The following CAPN14 variants were observed in gnomAD, a reference collection of about 807,000 sequenced individuals.
CAPN14 encodes the protein calpain 14, also known as calpain-14.
CAPN14 carries 94 observed loss-of-function variants against 101.3 expected under a neutral mutation model. The ratio of observed to expected loss-of-function variants is 0.93; its 90% CI spans 0.79 to 1.10. CAPN14 has a LOEUF of 1.10. CAPN14 is among the 50% of genes least tolerant of loss of function. The probability of loss-of-function intolerance (pLI) is 0.00; values close to 1 mark genes in which losing one functional copy is unlikely to be tolerated. For synonymous variants in CAPN14, 338 were observed against 317.9 expected (o/e 1.06, Z -0.67); for missense variants, 837 against 828.4 (o/e 1.01, Z -0.13).
At chr2:31,183,704 T>A (rs1175861097) in intron 16 of CAPN14, among the ~76,000 whole-genome samples, 2 of 152,132 alleles carry the variant, frequency 1.3e-5, no homozygotes, top group African/African-American at 2.4e-5. Context: ...CTGGAGAGGA[T>A]GTGGAGAAAT....
chr2:31,214,735 T>C (rs993418007), intron 1 of CAPN14, among the ~76,000 whole-genome samples: 2 of 152,170 alleles, frequency 1.3e-5, no homozygotes, highest in African/African-American at 4.8e-5. Context: ...TAAGACTCCC[T>C]GGAGCATGGG....
Position 31,191,546 on chromosome 2 carries a change from C to T in CAPN14, c.1279-139G>A, listed in dbSNP as rs183923573. Reference sequence around the variant, plus strand: ...AGGCTCTACCCAGAAGCCGTGTCCCCTCCCACAAGACCTGCTGTTCTATCA... The same window carrying T: ...AGGCTCTACCCAGAAGCCGTGTCCCTTCCCACAAGACCTGCTGTTCTATCA... On this transcript the variant is annotated intron_variant, in intron 11 of 21. Transcript: ENST00000403897. The T allele has an allele frequency of 9.6e-3, 7,300 of 758,704 alleles. 46 individuals are homozygous for T. Among genetic ancestry groups the T allele is most frequent in the Middle Eastern group, 0.014 (38 of 2,632 alleles). The allele number at this position is 758,704 out of a possible 1,614,324, so 47.0% of individuals were successfully genotyped here.
intron 1 of CAPN14, among the ~76,000 whole-genome samples, chr2:31,213,028 A>G (rs1159689161): frequency 1.3e-5 from 2 of 152,258 alleles, no homozygotes; most frequent in Non-Finnish European, 2.9e-5. Flanking sequence ...TGCTCTCGAC[A>G]GTCGGAACAA....
intron 16 of CAPN14, among the ~76,000 whole-genome samples, chr2:31,181,868 C>T (rs1369478399): frequency 6.6e-6 from 1 of 151,102 alleles, no homozygotes; most frequent in Non-Finnish European, 1.5e-5. Context: ...TTTTTTATGG[C>T]TGCATAGTAT....
intron 16 of CAPN14, among the ~76,000 whole-genome samples, chr2:31,183,757 T>C (rs1364031627): frequency 6.6e-6 from 1 of 151,522 alleles, no homozygotes; most frequent in African/African-American, 2.4e-5. Context: ...AACTAGTCCT[T>C]TCTTTCTTTC....
At chr2:31,215,967 A>C (rs1682626307) in intron 1 of CAPN14, among the ~76,000 whole-genome samples, 1 of 152,194 alleles carries the variant, frequency 6.6e-6, no homozygotes, top group Non-Finnish European at 1.5e-5. Flanking sequence ...TCTATGCACC[A>C]AAAGACATGT....
At chr2:31,199,256 T>C (rs1681629500) in intron 7 of CAPN14, among the ~76,000 whole-genome samples, 1 of 152,144 alleles carries the variant, frequency 6.6e-6, no homozygotes, top group Non-Finnish European at 1.5e-5. Flanking sequence ...GGCTGAGGGC[T>C]GCCCCAGGGG....
chr2:31,176,669 C>T (rs1337545734), intron 20 of CAPN14, 27 bp from the exon 21 acceptor site: 3 of 1,534,972 alleles, frequency 2.0e-6, no homozygotes, highest in Admixed American at 3.9e-5. Flanking sequence ...GAAAGGAATA[C>T]AGCTAATGTG....
At position 31,191,380 on chromosome 2, in the gene CAPN14, G is replaced by A. The variant is rs747136190; in HGVS notation, c.1287+19C>T. ...ATGTCACCCCAAACTAGGGCCACCC[G>A]GTCAAGTGCAGAACTCACCTTGTTC... On this transcript the variant is annotated intron_variant, in intron 12 of 21. Coordinates refer to ENST00000403897, the MANE Select transcript of CAPN14 (RefSeq NM_001145122.2). 2.3e-5 allele frequency: 35 copies of A among 1,541,442 alleles called. No homozygotes were observed. Among genetic ancestry groups the A allele is most frequent in the African/African-American group, 1.7e-4 (12 of 71,598 alleles).
At chr2:31,200,205 A>G (rs1366589909) in intron 6 of CAPN14, among the ~76,000 whole-genome samples, 2 of 152,104 alleles carry the variant, frequency 1.3e-5, no homozygotes, top group African/African-American at 4.8e-5. Context: ...GGGTTTCACC[A>G]TATTGGCCAG....
upstream of CAPN14, among the ~76,000 whole-genome samples, chr2:31,221,981 CAGGTCTGCCAGTCAA>C (rs1682874517): frequency 1.3e-5 from 2 of 152,164 alleles, no homozygotes; most frequent in South Asian, 4.1e-4. Context: ...ATGGATGCCT[CAGGTCTGCCAGTCAA>C]AGGAATTCCT....
At chr2:31,189,600 C>T (rs916839821) in intron 12 of CAPN14, 122 bp from the exon 13 acceptor site, 3 of 773,198 alleles carry the variant, frequency 3.9e-6, no homozygotes, top group Middle Eastern at 2.2e-4. Context: ...ATCCAATAGG[C>T]CCCAGTGGAG....
At chr2:31,232,013 C>T (rs1390534577) in intron 1 of CAPN14, among the ~76,000 whole-genome samples, 2 of 152,162 alleles carry the variant, frequency 1.3e-5, no homozygotes, top group Admixed American at 1.3e-4. Context: ...TTTTGGGGTT[C>T]AAGGAGGGAG....
At chr2:31,187,900 G>A in intron 14 of CAPN14, 86 bp from the exon 15 acceptor site, 2 of 1,068,922 alleles carry the variant, frequency 1.9e-6, no homozygotes, top group East Asian at 2.6e-5. Flanking sequence ...ATGGCTTCCA[G>A]GTTTCTGAAA....
chr2:31,201,755 C>T, intron 5 of CAPN14, 107 bp downstream of exon 5: 12 of 1,399,262 alleles, frequency 8.6e-6, no homozygotes, highest in East Asian at 2.5e-5. Flanking sequence ...TAAGACATGC[C>T]TCAGGATCTC....
upstream of CAPN14, among the ~76,000 whole-genome samples, chr2:31,220,030 C>T (rs1682815457): frequency 6.6e-6 from 1 of 152,158 alleles, no homozygotes; most frequent in African/African-American, 2.4e-5. Context: ...ATTCTCATTC[C>T]TTCAGGGCAC....
rs572493626 is a variant in CAPN14 at position 31,228,745 on chromosome 2, G to A, written c.-176-2094C>T. On this transcript the variant is annotated intron_variant and NMD_transcript_variant, in intron 1 of 21. Coordinates refer to the CAPN14 transcript ENST00000398824. ...GAACACTTTCAATGGCACTTTACAT[G>A]CACGGTCCCTTTAATCCTGAAAAAA... Among the ~76,000 whole-genome samples the A allele has an allele frequency of 1.5e-3, 236 of 152,302 alleles. 1 individual carries two copies. Among genetic ancestry groups the A allele is most frequent in the African/African-American group, 5.3e-3 (221 of 41,564 alleles).
chr2:31,207,751 G>A (rs1056758541), intron 1 of CAPN14, among the ~76,000 whole-genome samples: 2 of 152,154 alleles, frequency 1.3e-5, no homozygotes, highest in Non-Finnish European at 2.9e-5. Context: ...GGGAAGCAGA[G>A]CAAGACTCTG....
chr2:31,174,840 C>A, intron 21 of CAPN14, 133 bp from the exon 22 acceptor site: 1 of 777,150 alleles, frequency 1.3e-6, no homozygotes, highest in South Asian at 1.7e-5. Flanking sequence ...GCATATCATC[C>A]ATTAGGAAGT....
Sources: gnomAD v4.1 joint callset for allele counts (sites outside exome capture counted in the v4.1 genomes callset) on GRCh38, gnomAD v4.1.1 for gene constraint, MANE v1.5 for transcripts, NCBI Gene and HGNC (gene_info 2026-07-23, HGNC 2026-07-21) for gene names.